MCC: variants seen among roughly 807,000 people sequenced by gnomAD.
MCC encodes colorectal mutant cancer protein.
Under a neutral mutation model 116.2 loss-of-function variants are expected in MCC, and 90 were observed. That is an observed-to-expected ratio of 0.77 (90% CI 0.65 to 0.92). MCC has a LOEUF of 0.92. Ranked by LOEUF, MCC falls within the 40% of genes least tolerant of loss-of-function variation. The probability of loss-of-function intolerance (pLI) is 0.00; values close to 1 mark genes in which losing one functional copy is unlikely to be tolerated. For synonymous variants in MCC, 578 were observed against 510.5 expected (o/e 1.13, Z -1.78); for missense variants, 1,516 against 1,312.2 (o/e 1.16, Z -2.40).
chr5:113,264,998 G>A (rs1765368962), intron 3 of MCC, among the ~76,000 whole-genome samples: 1 of 151,948 alleles, frequency 6.6e-6, no homozygotes, highest in Admixed American at 6.6e-5. Flanking sequence ...CCAAGATCAC[G>A]CCACTGCTCT....
At chr5:113,205,730 G>A (rs1382292805) in intron 3 of MCC, among the ~76,000 whole-genome samples, 1 of 152,168 alleles carries the variant, frequency 6.6e-6, no homozygotes, top group Non-Finnish European at 1.5e-5. Flanking sequence ...TAAATAACGG[G>A]AATCTAAGTT....
At chr5:113,421,889 C>T (rs11960242) in intron 1 of MCC, among the ~76,000 whole-genome samples, 4,811 of 152,242 alleles carry the variant, frequency 0.032, 273 homozygotes, top group African/African-American at 0.11. Context: ...TTTTCTTCAC[C>T]ACTTCCCAGT....
intron 3 of MCC, among the ~76,000 whole-genome samples, chr5:113,205,198 T>G (rs540432035): frequency 8.5e-5 from 13 of 152,216 alleles, no homozygotes; most frequent in Non-Finnish European, 1.2e-4. Context: ...CCTGCAGCTT[T>G]CACAGGAAGG....
chr5:113,339,464 G>C (rs979900016), intron 3 of MCC, among the ~76,000 whole-genome samples: 11 of 146,004 alleles, frequency 7.5e-5, no homozygotes, highest in Non-Finnish European at 1.4e-4. Context: ...TTACTGTAAT[G>C]TCCTTTTTTT....
chr5:113,147,415 T>C (rs1031758869), intron 4 of MCC, among the ~76,000 whole-genome samples: 2 of 152,168 alleles, frequency 1.3e-5, no homozygotes, highest in Admixed American at 1.3e-4. Context: ...TCACCGGGTT[T>C]TATCTTACTC....
At chr5:113,266,084 A>G (rs887624063) in intron 3 of MCC, among the ~76,000 whole-genome samples, 4 of 152,160 alleles carry the variant, frequency 2.6e-5, no homozygotes, top group African/African-American at 9.7e-5. Context: ...TTCAACTTTC[A>G]TTAAAATCCT....
chr5:113,190,454 T>C (rs1023204095), intron 3 of MCC, among the ~76,000 whole-genome samples: 5 of 152,128 alleles, frequency 3.3e-5, no homozygotes, highest in Non-Finnish European at 5.9e-5. Context: ...AAGCTTTAAA[T>C]GATGCACACC....
chr5:113,229,826 G>A (rs866587616), intron 3 of MCC, among the ~76,000 whole-genome samples: 20 of 152,306 alleles, frequency 1.3e-4, no homozygotes, highest in East Asian at 1.2e-3. Flanking sequence ...TGTAGCATAG[G>A]AGCAACAGGC....
chr5:113,049,864 G>C (rs956405920), intron 15 of MCC, among the ~76,000 whole-genome samples: 2 of 152,184 alleles, frequency 1.3e-5, no homozygotes, highest in East Asian at 3.9e-4. Context: ...CTACTTCTCA[G>C]GGCCCAAATG....
At chr5:113,120,081 G>A (rs750379673) in intron 6 of MCC, among the ~76,000 whole-genome samples, 12 of 152,352 alleles carry the variant, frequency 7.9e-5, no homozygotes, top group Middle Eastern at 3.4e-3. Context: ...CAATTTGAGA[G>A]AAGTGAATGG....
intron 2 of MCC, among the ~76,000 whole-genome samples, chr5:113,357,449 A>AG (rs1330478677): frequency 5.9e-5 from 9 of 152,196 alleles, no homozygotes; most frequent in African/African-American, 2.2e-4. Flanking sequence ...AGGGCAGAAG[A>AG]GGGCCCCCCA....
At chr5:113,473,141 A>G (rs2150432388) in intron 1 of MCC, among the ~76,000 whole-genome samples, 1 of 152,306 alleles carries the variant, frequency 6.6e-6, no homozygotes, top group African/African-American at 2.4e-5. Context: ...CTACCCAGTA[A>G]CTAACCATAG....
chr5:113,174,450 TATA>T (rs1163480999), intron 3 of MCC, among the ~76,000 whole-genome samples: 2 of 152,074 alleles, frequency 1.3e-5, no homozygotes, highest in Non-Finnish European at 2.9e-5. Flanking sequence ...ATTATAGCAG[TATA>T]ATAACAAAAA....
At chr5:113,062,765 T>A (rs1463611455) in intron 14 of MCC, among the ~76,000 whole-genome samples, 1 of 152,226 alleles carries the variant, frequency 6.6e-6, no homozygotes, top group Non-Finnish European at 1.5e-5. Flanking sequence ...GGCACCTGGC[T>A]GAGTGCATTA....
At chr5:113,095,700 A>AAT (rs1755964077) in intron 8 of MCC, among the ~76,000 whole-genome samples, 1 of 148,630 alleles carries the variant, frequency 6.7e-6, no homozygotes, top group African/African-American at 2.5e-5. Flanking sequence ...AAAAAAAAAA[A>AAT]TTTTTTTTTT....
At chr5:113,209,545 G>C (rs556309633) in intron 3 of MCC, among the ~76,000 whole-genome samples, 2 of 152,254 alleles carry the variant, frequency 1.3e-5, no homozygotes, top group East Asian at 3.9e-4. Flanking sequence ...CGACTTTTAT[G>C]GCTGCAATAA....
chr5:113,068,331 G>A lies in MCC; in HGVS notation c.1926-148C>T, dbSNP rs190676204. On this transcript the variant is annotated intron_variant, in intron 12 of 18. Transcript: ENST00000408903. ...GGAAACCACCCATGAATATTCCCAGGGCAGGGCCAGTGGCTTGCTCTTTCA... is the reference window on the plus strand; with the variant it reads ...GGAAACCACCCATGAATATTCCCAGAGCAGGGCCAGTGGCTTGCTCTTTCA... 663 of 615,870 alleles carry A rather than the reference G, an allele frequency of 1.1e-3. 6 individuals are homozygous for A. The East Asian group carries it at 0.018, about 16-fold the overall frequency. 38.2% of individuals were successfully genotyped at this position (615,870 alleles called of 1,614,324 possible). A position where few individuals can be genotyped will look rare whatever the true frequency, so the allele number is the denominator to read the frequency against.
chr5:113,482,452 A>G lies in MCC; in HGVS notation c.170+5793T>C, dbSNP rs138604245. Among the ~76,000 whole-genome samples the G allele has an allele frequency of 2.4e-4, 20 of 82,874 alleles. No individual in the cohort carries two copies. In the East Asian group the frequency reaches 7.3e-3, roughly 30 times the overall value. The allele number at this position is 82,874 out of a possible 152,430, so 54.4% of individuals were successfully genotyped here. A position where few individuals can be genotyped will look rare whatever the true frequency, so the allele number is the denominator to read the frequency against. On this transcript the variant is annotated intron_variant, in intron 1 of 18. Transcript: ENST00000408903. The stretch of plus-strand genomic sequence containing the variant: ...CTGACTTGTTGATTATAGTCTTCCT[A>G]GTGGGTGTAAAGTAGAATTCCCATG...
At chr5:113,135,055 C>T (rs1344828885) in intron 5 of MCC, among the ~76,000 whole-genome samples, 1 of 151,260 alleles carries the variant, frequency 6.6e-6, no homozygotes, top group African/African-American at 2.4e-5. Flanking sequence ...AATTCTCCTG[C>T]CTCAGCCTCC....
Sources: allele counts gnomAD v4.1 joint callset (sites outside exome capture counted in the v4.1 genomes callset), GRCh38; gene constraint gnomAD v4.1.1; transcripts MANE v1.5; gene names NCBI Gene and HGNC (gene_info 2026-07-23, HGNC 2026-07-21).